Variants in TOX3 observed in about 807,000 individuals in gnomAD.
TOX3 encodes TOX high mobility group box family member 3, also known as CAG trinucleotide repeat-containing gene F9 protein.
TOX3 carries 22 observed loss-of-function variants against 64.3 expected under a neutral mutation model. The observed-to-expected ratio is 0.34, with a 90% confidence interval of 0.24 to 0.49. TOX3 has a LOEUF of 0.49. Among genes scored for constraint, TOX3 ranks in the 20% least tolerant of loss-of-function variants. The pLI, the probability that TOX3 is intolerant of heterozygous loss-of-function variation, is 0.99. For missense variants in TOX3, 661 were observed against 714.4 expected (o/e 0.93, Z 0.85); for synonymous variants, 291 against 273.6 (o/e 1.06, Z -0.63).
intron 1 of TOX3, among the ~76,000 whole-genome samples, chr16:52,496,845 C>T (rs533102952): frequency 6.6e-6 from 1 of 151,984 alleles, no homozygotes; most frequent in Admixed American, 6.6e-5. Flanking sequence ...ACAGTTAGTG[C>T]CCACGGCAGT....
intron 6 of TOX3, among the ~76,000 whole-genome samples, chr16:52,443,878 C>A (rs1214576057): frequency 6.6e-6 from 1 of 152,030 alleles, no homozygotes; most frequent in Non-Finnish European, 1.5e-5. Flanking sequence ...CAATGCCCCC[C>A]AATTGTAGTA....
At chr16:52,465,554 T>C (rs1434589474) in intron 2 of TOX3, among the ~76,000 whole-genome samples, 1 of 149,596 alleles carries the variant, frequency 6.7e-6, no homozygotes, top group African/African-American at 2.5e-5. Context: ...GTCAAACTTA[T>C]AGTTCATTTA....
At chr16:52,476,357 C>T (rs1315825427) in intron 1 of TOX3, among the ~76,000 whole-genome samples, 1 of 152,106 alleles carries the variant, frequency 6.6e-6, no homozygotes, top group African/African-American at 2.4e-5. Flanking sequence ...ACCATCTGGA[C>T]TAGTTAAAAG....
At chr16:52,466,765 A>G (rs1436954904) in intron 2 of TOX3, among the ~76,000 whole-genome samples, 1 of 152,192 alleles carries the variant, frequency 6.6e-6, no homozygotes, top group Non-Finnish European at 1.5e-5. Flanking sequence ...ACCTAATATA[A>G]TAATCCACTG....
At chr16:52,509,176 C>T (rs772986971) in intron 1 of TOX3, among the ~76,000 whole-genome samples, 35 of 152,124 alleles carry the variant, frequency 2.3e-4, no homozygotes, top group Non-Finnish European at 4.6e-4. Flanking sequence ...ATAGCTTCAT[C>T]ATTGTTTGAA....
intron 1 of TOX3, among the ~76,000 whole-genome samples, chr16:52,511,244 AGCACTTTGG>A: frequency 6.6e-6 from 1 of 152,206 alleles, no homozygotes; most frequent in East Asian, 1.9e-4. Flanking sequence ...CTGTAATCCC[AGCACTTTGG>A]GAGGCCGAGA....
intron 3 of TOX3, among the ~76,000 whole-genome samples, chr16:52,454,245 A>C (rs1960448065): frequency 6.6e-6 from 1 of 152,222 alleles, no homozygotes; most frequent in Non-Finnish European, 1.5e-5. Context: ...CATTACAAAA[A>C]AAAAAAAGAT....
At chr16:52,492,931 T>C (rs1567333814) in intron 1 of TOX3, among the ~76,000 whole-genome samples, 2 of 151,356 alleles carry the variant, frequency 1.3e-5, no homozygotes, top group African/African-American at 4.9e-5. Context: ...CCAGCTTTCG[T>C]TCTGAGAACA....
chr16:52,452,203 G>C (rs1960371580), intron 3 of TOX3, among the ~76,000 whole-genome samples: 1 of 152,140 alleles, frequency 6.6e-6, no homozygotes, highest in South Asian at 2.1e-4. Flanking sequence ...CATTATAAGG[G>C]GTAGAATGGG....
intron 1 of TOX3, among the ~76,000 whole-genome samples, chr16:52,476,553 C>T (rs771604960): frequency 6.6e-6 from 1 of 151,724 alleles, no homozygotes; most frequent in Non-Finnish European, 1.5e-5. Flanking sequence ...GCCAAGCAAC[C>T]AATCATCACC....
At position 52,439,606 on chromosome 16, in the gene TOX3, C is replaced by A. The variant is rs532347689; in HGVS notation, c.1350G>T (p.Gln450His). The A allele has an allele frequency of 6.2e-7, 1 of 1,605,698 alleles. No individual in the cohort carries two copies. Among genetic ancestry groups the A allele is most frequent in the African/African-American group, 1.3e-5 (1 of 74,854 alleles). Reference sequence around the variant, plus strand: ...TCTGTTGCATCTGTTGTTGTTGCTGCTGCTGCTGCTGCTGCAATTGCATCT... The same window carrying A: ...TCTGTTGCATCTGTTGTTGTTGCTGATGCTGCTGCTGCTGCAATTGCATCT... ...QHQMQLQQQQQQQQQQMQQMQ... is the reference protein window; with the variant it reads ...QHQMQLQQQQHQQQQQMQQMQ... Residue 450 changes from glutamine (Q) to histidine (H), a missense_variant, in exon 7 of 7, where the codon CAG (glutamine) becomes CAT (histidine). Gln to His is a conservative substitution (Grantham distance 24). This residue lies in a region of TOX3 where 299 missense variants were observed against 292.1 expected (regional missense o/e 1.02). Transcript: ENST00000219746.
intron 2 of TOX3, among the ~76,000 whole-genome samples, chr16:52,465,093 C>A (rs1960820440): frequency 7.2e-6 from 1 of 139,376 alleles, no homozygotes; most frequent in South Asian, 2.3e-4. Context: ...CGGCTCACTG[C>A]AAGCTCCGCC....
At chr16:52,499,555 C>T (rs961807255) in intron 1 of TOX3, among the ~76,000 whole-genome samples, 2 of 152,168 alleles carry the variant, frequency 1.3e-5, no homozygotes, top group Admixed American at 6.5e-5. Context: ...TACGAATCCA[C>T]AAGAAACAAA....
chr16:52,496,371 A>G (rs1961850511), intron 1 of TOX3, among the ~76,000 whole-genome samples: 1 of 152,206 alleles, frequency 6.6e-6, no homozygotes, highest in Non-Finnish European at 1.5e-5. Flanking sequence ...CACGCAACAT[A>G]CTATAAACTG....
intron 1 of TOX3, among the ~76,000 whole-genome samples, chr16:52,520,143 C>G (rs45618336): frequency 1.3e-5 from 2 of 152,042 alleles, no homozygotes; most frequent in Non-Finnish European, 2.9e-5. Context: ...ACATAAAAAT[C>G]AGATCCATAA....
intron 5 of TOX3, chr16:52,445,352 T>C (rs1960132437): frequency 6.6e-6 from 1 of 152,222 alleles, no homozygotes; most frequent in African/African-American, 2.4e-5. Context: ...AATTGGAGTT[T>C]CATGCAAGGA....
chr16:52,456,821 G>A (rs1960531767), intron 3 of TOX3, among the ~76,000 whole-genome samples: 1 of 152,144 alleles, frequency 6.6e-6, no homozygotes, highest in Non-Finnish European at 1.5e-5. Context: ...TAGTCAGTGT[G>A]GATACTGGGG....
Position 52,439,317 on chromosome 16 carries a change from T to C in TOX3, c.1639A>G (p.Ile547Val), listed in dbSNP as rs780946418. ...ASQITSPIPA[I>V]GSPQPASQQH... is the part of the protein sequence containing the mutation. ...TGAGAGGCTGGCTGGGGGCTCCCGA[T>C]GGCAGGGATGGGGGATGTTATCTGA... Residue 547 changes from isoleucine to valine, a missense_variant, in exon 7 of 7, where the codon ATC becomes GTC. Transcript: ENST00000219746. 1.9e-6 allele frequency: 3 copies of C among 1,613,480 alleles called. No individual in the cohort carries two copies. Among genetic ancestry groups the C allele is most frequent in the Non-Finnish European group, 2.5e-6 (3 of 1,179,602 alleles).
intron 1 of TOX3, among the ~76,000 whole-genome samples, chr16:52,480,900 CA>C (rs5816849): frequency 0.16 from 24,583 of 151,704 alleles, 2,134 homozygotes; most frequent in East Asian, 0.33. Context: ...TTTTATTCCT[CA>C]GGGGACCTTT....
Sources: allele counts gnomAD v4.1 joint callset (sites outside exome capture counted in the v4.1 genomes callset), GRCh38; gene constraint gnomAD v4.1.1; regional missense constraint gnomAD v4.1.1; transcripts MANE v1.5; gene names NCBI Gene and HGNC (gene_info 2026-07-23, HGNC 2026-07-21).